Variants in DNM3 observed in about 807,000 individuals in gnomAD.
DNM3 encodes the protein dynamin-3.
In DNM3, 47 loss-of-function variants were observed where a neutral mutation model predicts 101.6. The ratio of observed to expected loss-of-function variants is 0.46; its 90% confidence interval spans 0.37 to 0.59. DNM3 has a LOEUF of 0.59. DNM3 is among the 20% of genes least tolerant of loss of function. The pLI is 0.00. For synonymous variants in DNM3, 385 were observed against 387.9 expected, an observed-to-expected ratio of 0.99 and a Z score of 0.09; for missense variants, 849 against 1,085.7, an observed-to-expected ratio of 0.78 and a Z score of 3.06.
intron 12 of DNM3, among the ~76,000 whole-genome samples, chr1:172,083,860 C>A (rs2053334896): frequency 6.6e-6 from 1 of 152,094 alleles, no homozygotes; most frequent in Admixed American, 6.6e-5. Flanking sequence ...CAAACACAAT[C>A]TTTTGACGTA....
chr1:172,212,060 G>T (rs1160383044), intron 14 of DNM3, among the ~76,000 whole-genome samples: 1 of 152,044 alleles, frequency 6.6e-6, no homozygotes, highest in African/African-American at 2.4e-5. Context: ...CAGTAATTTG[G>T]TTTTTATTCA....
intron 17 of DNM3, among the ~76,000 whole-genome samples, chr1:172,332,334 G>C (rs1433689904): frequency 6.6e-6 from 1 of 152,132 alleles, no homozygotes; most frequent in African/African-American, 2.4e-5. Flanking sequence ...TCTGGAGATG[G>C]AGTCTCACTC....
intron 17 of DNM3, among the ~76,000 whole-genome samples, chr1:172,344,780 G>A (rs532186450): frequency 2.5e-4 from 38 of 152,272 alleles, no homozygotes; most frequent in Non-Finnish European, 3.7e-4. Context: ...GCTCAAACTC[G>A]AAATAGACGA....
intron 14 of DNM3, among the ~76,000 whole-genome samples, chr1:172,246,066 A>T (rs2148664233): frequency 6.6e-6 from 1 of 152,280 alleles, no homozygotes; most frequent in South Asian, 2.1e-4. Context: ...GGAAAGTGCC[A>T]CATATACTTT....
chr1:171,975,466 A>C (rs2044302478), intron 2 of DNM3, among the ~76,000 whole-genome samples: 1 of 152,218 alleles, frequency 6.6e-6, no homozygotes. Flanking sequence ...TAGGACCCCA[A>C]ACAATACTTA....
Position 172,412,623 on chromosome 1 carries a change from T to C in DNM3, c.*4782T>C, listed in dbSNP as rs1573799037. ...AGAATGGAATTTTTGAAGAAAAATC[T>C]CAAAGCCTGTATCGTTCTTGAAGGT... On this transcript the variant is annotated 3_prime_UTR_variant, in exon 21 of 21. Transcript: ENST00000627582. 1 of 985,844 alleles carries C rather than the reference T, an allele frequency of 1.0e-6. No homozygotes were observed. The highest frequency in any genetic ancestry group is 1.1e-4 in the East Asian group (1 of 8,816). 61.1% of individuals were successfully genotyped at this position (985,844 alleles called of 1,614,324 possible).
rs115356173 is a variant in DNM3, at chr1:171,957,957, G to A, written c.236-29699G>A. On this transcript the variant is annotated intron_variant, in intron 2 of 20. Transcript: ENST00000627582. ...CTTCAGGTATCTTTATAGCAGTGCC[G>A]CAGTCCACCGGTACCAATTTACTGT... Among the ~76,000 whole-genome samples the A allele has an allele frequency of 5.2e-3, 796 of 152,220 alleles. 15 individuals are homozygous for A. Among genetic ancestry groups the A allele is most frequent in the African/African-American group, 0.017 (700 of 41,516 alleles).
At chr1:172,208,818 T>G (rs2060412662) in intron 14 of DNM3, among the ~76,000 whole-genome samples, 1 of 152,114 alleles carries the variant, frequency 6.6e-6, no homozygotes, top group Non-Finnish European at 1.5e-5. Flanking sequence ...CAGATGACAA[T>G]GCAGATTTCA....
Position 172,042,150 on chromosome 1 carries a change from T to C in DNM3, c.1128+6T>C. On this transcript the variant is annotated splice_donor_region_variant and intron_variant, in intron 8 of 20. Transcript: ENST00000627582. The stretch of plus-strand genomic sequence containing the variant: ...TTCCTTTTGAGATAGTAAAGGTTTG[T>C]GTCAAACGTTATTTTTTTCTTAGTT... The C allele has an allele frequency of 6.3e-7, 1 of 1,583,350 alleles. No individual in the cohort carries two copies. Among genetic ancestry groups the C allele is most frequent in the South Asian group, 1.2e-5 (1 of 85,122 alleles).
chr1:172,196,288 T>C (rs1394572087), intron 14 of DNM3, among the ~76,000 whole-genome samples: 1 of 152,072 alleles, frequency 6.6e-6, no homozygotes, highest in East Asian at 1.9e-4. Flanking sequence ...CCATATTTCG[T>C]TTAACCAATC....
intron 16 of DNM3, among the ~76,000 whole-genome samples, chr1:172,315,871 T>G (rs1185371839): frequency 6.6e-6 from 1 of 151,754 alleles, no homozygotes; most frequent in African/African-American, 2.4e-5. Context: ...ACGTTCAGAT[T>G]CAGGAAATAC....
intron 14 of DNM3, among the ~76,000 whole-genome samples, chr1:172,165,412 A>G (rs973283097): frequency 2.0e-5 from 3 of 152,122 alleles, no homozygotes; most frequent in Non-Finnish European, 4.4e-5. Context: ...TACAGCTTTT[A>G]TGATACCACA....
intron 14 of DNM3, among the ~76,000 whole-genome samples, chr1:172,221,794 C>T (rs544412155): frequency 6.6e-6 from 1 of 152,244 alleles, no homozygotes; most frequent in East Asian, 1.9e-4. Context: ...CCCCATTCCT[C>T]TTTCTGTGAT....
At chr1:172,127,905 GT>G (rs990299538) in intron 13 of DNM3, among the ~76,000 whole-genome samples, 1 of 151,950 alleles carries the variant, frequency 6.6e-6, no homozygotes, top group African/African-American at 2.4e-5. Context: ...TCCATTTTTT[GT>G]TTCCCATTCA....
chr1:172,417,685 C>T (rs1385758239), downstream of DNM3, among the ~76,000 whole-genome samples: 1 of 152,230 alleles, frequency 6.6e-6, no homozygotes, highest in African/African-American at 2.4e-5. Flanking sequence ...GGACTACTCA[C>T]CTGGAGCAAA....
At chr1:172,190,339 A>T (rs2059670392) in intron 14 of DNM3, among the ~76,000 whole-genome samples, 1 of 152,122 alleles carries the variant, frequency 6.6e-6, no homozygotes, top group South Asian at 2.1e-4. Flanking sequence ...AAAGGACATG[A>T]ACTCATCCTT....
intron 1 of DNM3, among the ~76,000 whole-genome samples, chr1:171,909,338 T>A (rs1183252533): frequency 6.7e-6 from 1 of 149,300 alleles, no homozygotes; most frequent in African/African-American, 2.5e-5. Flanking sequence ...GAGGCTGAGG[T>A]GGGAGAATTG....
chr1:172,081,968 A>T (rs2053182932), intron 12 of DNM3, 66 bp downstream of exon 12: 4 of 1,488,516 alleles, frequency 2.7e-6, no homozygotes, highest in Non-Finnish European at 3.7e-6. Context: ...CACATTGTGA[A>T]TTTTTACTAC....
chr1:171,923,509 T>A (rs1017822383), intron 2 of DNM3, among the ~76,000 whole-genome samples: 4 of 152,068 alleles, frequency 2.6e-5, no homozygotes, highest in Admixed American at 1.3e-4. Flanking sequence ...TTTATTTTGG[T>A]GAAGTCCAAT....
Sources: allele counts gnomAD v4.1 joint callset (sites outside exome capture counted in the v4.1 genomes callset), GRCh38; gene constraint gnomAD v4.1.1; transcripts MANE v1.5; gene names NCBI Gene and HGNC (gene_info 2026-07-23, HGNC 2026-07-21).